ZNF714: variants seen among roughly 807,000 people sequenced by gnomAD.
The protein encoded by ZNF714 is zinc finger protein 714.
ZNF714 carries 32 observed loss-of-function variants against 46.2 expected under a neutral mutation model. The observed-to-expected ratio is 0.69, with a 90% CI of 0.52 to 0.93. The LOEUF is 0.93. ZNF714 is among the 40% of genes least tolerant of loss of function. The pLI is 0.00. For missense variants in ZNF714, 635 were observed against 646.3 expected (o/e 0.98, Z 0.19); for synonymous variants, 199 against 213.1 (o/e 0.93, Z 0.58).
intron 3 of ZNF714, 76 bp downstream of exon 3, chr19:21,098,387 G>A: frequency 6.5e-7 from 1 of 1,530,402 alleles, no homozygotes; most frequent in Non-Finnish European, 8.9e-7. Flanking sequence ...AATTTTCTTT[G>A]GTAATTTATG....
Position 21,122,644 on chromosome 19 carries a change from C to A in ZNF714, c.*4312C>A, listed in dbSNP as rs180696421. 1.3e-5 allele frequency: 2 copies of A among 152,090 alleles called. No individual in the cohort carries two copies. The highest frequency in any genetic ancestry group is 4.8e-5 in the African/African-American group (2 of 41,508). 9.4% of individuals were successfully genotyped at this position (152,090 alleles called of 1,614,324 possible). A position where few individuals can be genotyped will look rare whatever the true frequency, so the allele number is the denominator to read the frequency against. ...ATTCTGCTTCTTTTATTTTCTACTT[C>A]TCTTCAGATTTGTTTCTCGTATGTA... On this transcript the variant is annotated 3_prime_UTR_variant, in exon 5 of 5. Transcript: ENST00000456283.
intron 2 of ZNF714, among the ~76,000 whole-genome samples, chr19:21,085,950 G>A (rs1671358613): frequency 6.6e-6 from 1 of 151,876 alleles, no homozygotes; most frequent in Non-Finnish European, 1.5e-5. Context: ...AAATTTTAAG[G>A]ATTGCATAGT....
Position 21,118,202 on chromosome 19 carries a change from C to T in ZNF714, c.1538C>T (p.Pro513Leu). The T allele has an allele frequency of 6.2e-7, 1 of 1,604,038 alleles. No individual in the cohort carries two copies. Among genetic ancestry groups the T allele is most frequent in the Non-Finnish European group, 8.5e-7 (1 of 1,174,668 alleles). ...GGCATGGTGGCTCATGCCTGTAATC[C>T]CAACACTTTGAGAGGACTAGGTGAG... The part of the protein sequence containing the change: ...QQGMVAHACN[P>L]NTLRGLGEQI... Residue 513 changes from proline to leucine, a missense_variant, in exon 5 of 5, where the codon CCC becomes CTC. Transcript: ENST00000456283.
At chr19:21,116,660 C>A in intron 4 of ZNF714, 147 bp from the exon 5 acceptor site, 3 of 1,000,768 alleles carry the variant, frequency 3.0e-6, no homozygotes, top group Non-Finnish European at 4.2e-6. Context: ...GCTTTTATTA[C>A]ATTTATATGT....
rs1969736961 is a variant in ZNF714 at position 21,123,237 on chromosome 19, A to AG, written c.*4906dup. The AG allele has an allele frequency of 6.6e-6, 1 of 152,162 alleles. No homozygotes were observed. Among genetic ancestry groups the AG allele is most frequent in the Non-Finnish European group, 1.5e-5 (1 of 68,022 alleles). 9.4% of individuals were successfully genotyped at this position (152,162 alleles called of 1,614,324 possible). A position where few individuals can be genotyped will look rare whatever the true frequency, so the allele number is the denominator to read the frequency against. On this transcript the variant is annotated 3_prime_UTR_variant, in exon 5 of 5. Transcript: ENST00000456283. Reference sequence around the variant, plus strand: ...AGCATTGCATTTCTTTGTTTTTAAAAGAAAAATCTTATTAGATTCTTATAC... The same window carrying AG: ...AGCATTGCATTTCTTTGTTTTTAAAAGGAAAAATCTTATTAGATTCTTATAC...
chr19:21,117,924 T>C lies in ZNF714; in HGVS notation c.1260T>C (p.Thr420=), dbSNP rs1969639180. The C allele has an allele frequency of 3.1e-6, 5 of 1,613,132 alleles. No homozygotes were observed. The highest frequency in any genetic ancestry group is 4.2e-6 in the Non-Finnish European group (5 of 1,179,840). The change falls in exon 5 of 5, where the codon ACT becomes ACC. Residue 420 remains threonine (T), a synonymous_variant. Transcript: ENST00000456283. ...SNLTKHKIIH[T]GEKLYKCEEC... ...TTACCAAACATAAGATAATTCATACTGGAGAGAAACTCTACAAATGTGAAG... is the reference window on the plus strand; with the variant it reads ...TTACCAAACATAAGATAATTCATACCGGAGAGAAACTCTACAAATGTGAAG...
At position 21,117,615 on chromosome 19, in the gene ZNF714, A is replaced by G. The variant is rs757317227; in HGVS notation, c.951A>G (p.Gln317=). 3.7e-6 allele frequency: 6 copies of G among 1,612,092 alleles called. 1 individual carries two copies. The highest frequency in any genetic ancestry group is 1.6e-4 in the Middle Eastern group (1 of 6,078). ...HSGEKSYKCE[Q]CGKGFNWSST... is the part of the protein sequence containing the mutation. Reference sequence around the variant, plus strand: ...GAGAGAAATCTTACAAATGTGAACAATGTGGCAAAGGCTTTAACTGGTCTT... The same window carrying G: ...GAGAGAAATCTTACAAATGTGAACAGTGTGGCAAAGGCTTTAACTGGTCTT... The change falls in exon 5 of 5, where the codon CAA becomes CAG. Residue 317 remains glutamine, a synonymous_variant. Coordinates refer to ENST00000456283, the MANE Select transcript of ZNF714 (RefSeq NM_182515.4).
chr19:21,116,288 T>C (rs1440655684), intron 4 of ZNF714, among the ~76,000 whole-genome samples: 1 of 152,138 alleles, frequency 6.6e-6, no homozygotes, highest in Non-Finnish European at 1.5e-5. Context: ...TACTGCAGTC[T>C]CTCTGCTGCT....
chr19:21,108,942 A>G (rs929127768), intron 4 of ZNF714, among the ~76,000 whole-genome samples: 4 of 152,220 alleles, frequency 2.6e-5, no homozygotes, highest in Non-Finnish European at 5.9e-5. Flanking sequence ...ACACATATAC[A>G]TATAAATAGA....
At chr19:21,105,834 A>G (rs912020141) in intron 4 of ZNF714, among the ~76,000 whole-genome samples, 3 of 152,080 alleles carry the variant, frequency 2.0e-5, no homozygotes, top group Non-Finnish European at 4.4e-5. Context: ...GCATGCCTGT[A>G]GTCCCAGCTA....
chr19:21,119,026 A>G lies in ZNF714; in HGVS notation c.*694A>G. Reference sequence around the variant, plus strand: ...AATATAAAGACTGAAAAAGCCATTAATATATGTTCATATCTCAACACCAGA... The same window carrying G: ...AATATAAAGACTGAAAAAGCCATTAGTATATGTTCATATCTCAACACCAGA... On this transcript the variant is annotated 3_prime_UTR_variant, in exon 5 of 5. Coordinates refer to ENST00000456283, the MANE Select transcript of ZNF714 (RefSeq NM_182515.4). The G allele has an allele frequency of 2.7e-6, 1 of 376,912 alleles. No homozygotes were observed. The highest frequency in any genetic ancestry group is 1.9e-5 in the South Asian group (1 of 52,498). 23.3% of individuals were successfully genotyped at this position (376,912 alleles called of 1,614,324 possible).
intron 4 of ZNF714, among the ~76,000 whole-genome samples, chr19:21,114,269 T>A (rs1969533843): frequency 6.6e-6 from 1 of 151,998 alleles, no homozygotes; most frequent in Non-Finnish European, 1.5e-5. Flanking sequence ...AAACCTCGTC[T>A]ACTAAAAATA....
At chr19:21,107,812 G>A (rs539945793) in intron 4 of ZNF714, among the ~76,000 whole-genome samples, 12 of 152,256 alleles carry the variant, frequency 7.9e-5, no homozygotes, top group African/African-American at 2.4e-4. Context: ...ATGAGCCACC[G>A]TACTCAACCC....
rs528719332 is a variant in ZNF714 at position 21,114,350 on chromosome 19, G to A, written c.143-2457G>A. 1.2e-4 allele frequency among the ~76,000 whole-genome samples: 18 copies of A among 147,584 alleles called. 1 individual carries two copies. In the East Asian group the frequency reaches 3.1e-3, roughly 25 times the overall value. ...ACTTGGGAGGCTGAGGCGGGAGAAT[G>A]ACATGAACCCAGGAGATGGAGCTTG... On this transcript the variant is annotated intron_variant, in intron 4 of 4. Transcript: ENST00000456283.
At position 21,117,213 on chromosome 19, in the gene ZNF714, G is replaced by A; in HGVS notation, c.549G>A (p.Lys183=). The A allele has an allele frequency of 6.2e-7, 1 of 1,613,962 alleles. No individual in the cohort carries two copies. Among genetic ancestry groups the A allele is most frequent in the Non-Finnish European group, 8.5e-7 (1 of 1,179,928 alleles). The stretch of plus-strand genomic sequence containing the variant: ...GTGAAGAATGTGACAAAGTGTTTAA[G>A]CGGTTCTCAACCCTTACTAGACACA... ...YQCEECDKVF[K]RFSTLTRHKR... Residue 183 remains lysine (K), a synonymous_variant, in exon 5 of 5, where the codon AAG becomes AAA. Coordinates refer to ENST00000456283, the MANE Select transcript of ZNF714 (RefSeq NM_182515.4).
chr19:21,102,487 A>C (rs9967619), intron 4 of ZNF714, among the ~76,000 whole-genome samples: 95,606 of 152,066 alleles, frequency 0.63, 33,471 homozygotes, highest in East Asian at 0.85. Context: ...GAAAAATATA[A>C]GTTTTAATTT....
chr19:21,117,662 G>T lies in ZNF714; in HGVS notation c.998G>T (p.Arg333Ile), dbSNP rs1395572021. The T allele has an allele frequency of 1.3e-5, 21 of 1,608,628 alleles. No homozygotes were observed. The highest frequency in any genetic ancestry group is 1.7e-5 in the Non-Finnish European group (20 of 1,178,512). ...TCTTCAACCCTTACAAAACATAAAA[G>T]AATTCATACTGGAGAGAAACCCTAC... ...NWSSTLTKHK[R>I]IHTGEKPYKC... Residue 333 changes from arginine (R) to isoleucine (I), a missense_variant, in exon 5 of 5, where the codon AGA becomes ATA. Arg to Ile is a moderately conservative substitution (Grantham distance 97, BLOSUM62 -3). Coordinates refer to ENST00000456283, the MANE Select transcript of ZNF714 (RefSeq NM_182515.4).
At chr19:21,107,738 G>T (rs193015244) in intron 4 of ZNF714, among the ~76,000 whole-genome samples, 16 of 152,204 alleles carry the variant, frequency 1.1e-4, no homozygotes, top group Admixed American at 5.2e-4. Context: ...GTCCATGCTA[G>T]TTTTGAACCT....
Position 21,117,323 on chromosome 19 carries a change from A to C in ZNF714, c.659A>C (p.Lys220Thr). 6.2e-7 allele frequency: 1 copy of C among 1,612,204 alleles called. No homozygotes were observed. The highest frequency in any genetic ancestry group is 8.5e-7 in the Non-Finnish European group (1 of 1,178,566). Residue 220 changes from lysine (K) to threonine (T), a missense_variant, in exon 5 of 5, where the codon AAG becomes ACG. Physicochemically the swap from Lys to Thr is moderately conservative, Grantham distance 78 (BLOSUM62 -1). Transcript: ENST00000456283. The part of the protein sequence containing the change: ...FKHSSTLTTH[K>T]MIHTGEKPYR... Reference sequence around the variant, plus strand: ...CACTCCTCAACCCTTACTACACATAAGATGATTCATACTGGAGAGAAACCC... The same window carrying C: ...CACTCCTCAACCCTTACTACACATACGATGATTCATACTGGAGAGAAACCC...
Sources: gnomAD v4.1 joint callset for allele counts (sites outside exome capture counted in the v4.1 genomes callset) on GRCh38, gnomAD v4.1.1 for gene constraint, MANE v1.5 for transcripts, NCBI Gene and HGNC (gene_info 2026-07-23, HGNC 2026-07-21) for gene names.